ESM1: variants seen among roughly 807,000 people sequenced by gnomAD.
ESM1 encodes the protein endothelial cell specific molecule 1, also known as endothelial cell-specific molecule 1.
A neutral mutation model predicts 14.9 loss-of-function variants in ESM1; 7 were observed. The observed-to-expected ratio is 0.47, with a 90% CI of 0.27 to 0.88. The LOEUF is 0.88. Among genes scored for constraint, ESM1 ranks in the 40% least tolerant of loss-of-function variants. The pLI is 0.14. For synonymous variants in ESM1, 89 were observed against 89.4 expected, an observed-to-expected ratio of 1.00 and a Z score of 0.02; for missense variants, 192 against 237.9, an observed-to-expected ratio of 0.81 and a Z score of 1.27.
At position 54,979,249 on chromosome 5, in the gene ESM1, A is replaced by C; in HGVS notation, c.*83T>G. 1.0e-6 allele frequency: 1 copy of C among 997,968 alleles called. No homozygotes were observed. Among genetic ancestry groups the C allele is most frequent in the Non-Finnish European group, 1.6e-6 (1 of 633,850 alleles). 61.8% of individuals were successfully genotyped at this position (997,968 alleles called of 1,614,324 possible). A position where few individuals can be genotyped will look rare whatever the true frequency, so the allele number is the denominator to read the frequency against. On this transcript the variant is annotated 3_prime_UTR_variant, in exon 3 of 3. Coordinates refer to ENST00000381405, the MANE Select transcript of ESM1 (RefSeq NM_007036.5). ...TTCAAAAATTACATGTCCTTATGCT[A>C]TAATCTAGAAAGTTCCTAAAATGTT...
chr5:54,979,192 T>C lies in ESM1; in HGVS notation c.*140A>G, dbSNP rs566043025. ...TGGATTGTAAGTATCCTACTTTTTG[T>C]TTTCTGGATCCACCATGCATCACAT... On this transcript the variant is annotated 3_prime_UTR_variant, in exon 3 of 3. Coordinates refer to ENST00000381405, the MANE Select transcript of ESM1 (RefSeq NM_007036.5). 46 of 654,590 alleles carry C rather than the reference T, an allele frequency of 7.0e-5. No individual in the cohort carries two copies. The East Asian group carries it at 1.1e-3, about 16-fold the overall frequency. The allele number at this position is 654,590 out of a possible 1,614,324, so 40.5% of individuals were successfully genotyped here.
rs1416916747 is a variant in ESM1, at chr5:54,978,380, T to C, written c.*952A>G. 1 of 152,038 alleles carries C rather than the reference T, an allele frequency of 6.6e-6. No individual in the cohort carries two copies. Among genetic ancestry groups the C allele is most frequent in the Non-Finnish European group, 1.5e-5 (1 of 68,014 alleles). 9.4% of individuals were successfully genotyped at this position (152,038 alleles called of 1,614,324 possible). On this transcript the variant is annotated 3_prime_UTR_variant, in exon 3 of 3. Coordinates refer to ENST00000381405, the MANE Select transcript of ESM1 (RefSeq NM_007036.5). ...TTATGCTTATTAAGGTTATTATTAC[T>C]ATAATTATGGATAATAAATTTATCA... is the stretch of plus-strand genomic sequence containing the variant.
In ESM1 at chr5:54,979,261, G is replaced by C. The variant is rs1744002655; in HGVS notation, c.*71C>G. The C allele has an allele frequency of 9.0e-7, 1 of 1,107,148 alleles. No homozygotes were observed. Among genetic ancestry groups the C allele is most frequent in the Admixed American group, 1.8e-5 (1 of 56,170 alleles). 68.6% of individuals were successfully genotyped at this position (1,107,148 alleles called of 1,614,324 possible). A position where few individuals can be genotyped will look rare whatever the true frequency, so the allele number is the denominator to read the frequency against. ...ATGTCCTTATGCTATAATCTAGAAA[G>C]TTCCTAAAATGTTGGCTGTGTGTTG... On this transcript the variant is annotated 3_prime_UTR_variant, in exon 3 of 3. Transcript: ENST00000381405.
Position 54,978,179 on chromosome 5 carries a change from A to G in ESM1, c.*1153T>C, listed in dbSNP as rs1450401217. 1 of 152,198 alleles carries G rather than the reference A, an allele frequency of 6.6e-6. No homozygotes were observed. The highest frequency in any genetic ancestry group is 1.5e-5 in the Non-Finnish European group (1 of 68,018). The allele number at this position is 152,198 out of a possible 1,614,324, so 9.4% of individuals were successfully genotyped here. A position where few individuals can be genotyped will look rare whatever the true frequency, so the allele number is the denominator to read the frequency against. ...AGAAAAAAATATGAAAATAAACTATATTTTAAAGTTGACATGTTTTCTGCT... is the reference window on the plus strand; with the variant it reads ...AGAAAAAAATATGAAAATAAACTATGTTTTAAAGTTGACATGTTTTCTGCT... On this transcript the variant is annotated 3_prime_UTR_variant, in exon 3 of 3. Coordinates refer to ENST00000381405, the MANE Select transcript of ESM1 (RefSeq NM_007036.5).
rs1244160143 is a variant in ESM1 at position 54,979,361 on chromosome 5, CG to C, written c.525del (p.Val176Ter). The C allele has an allele frequency of 3.1e-6, 5 of 1,613,588 alleles. No individual in the cohort carries two copies. The highest frequency in any genetic ancestry group is 4.2e-6 in the Non-Finnish European group (5 of 1,179,646). On this transcript the variant is annotated frameshift_variant, in exon 3 of 3. Transcript: ENST00000381405. LOFTEE classifies it high-confidence loss of function. Reference sequence around the variant, plus strand: ...CGTGGATTTAACCATTTCCTCATTACGGGAGACCCGGCAGCATTCTCTTTCA... The same window carrying C: ...CGTGGATTTAACCATTTCCTCATTACGGAGACCCGGCAGCATTCTCTTTCA... Reference protein sequence around the residue: ...EVVKENAAGSPVMRKWLNPR With the variant: ...EVVKENAAGSXVMRKWLNPR
rs746045758 is a variant in ESM1 at position 54,985,294 on chromosome 5, A to C, written c.224T>G (p.Met75Arg). The C allele has an allele frequency of 2.5e-6, 4 of 1,614,170 alleles. No homozygotes were observed. The Admixed American group carries it at 5.0e-5, about 20-fold the overall frequency. ...CYRTVSGMDG[M>R]KCGPGLRCQP... ...ACACCTCAGCCCCGGGCCACACTTC[A>C]TGCCATCCATGCCTGAGACTGTGCG... is the stretch of plus-strand genomic sequence containing the variant. The change falls in exon 1 of 3, where the codon ATG becomes AGG. Residue 75 changes from methionine to arginine, a missense_variant. By Grantham distance (91) the Met-to-Arg change is moderately conservative. Transcript: ENST00000381405.
intron 1 of ESM1, among the ~76,000 whole-genome samples, chr5:54,984,303 G>A (rs578092572): frequency 1.7e-4 from 26 of 151,844 alleles, no homozygotes; most frequent in African/African-American, 6.0e-4. Context: ...CTGATGGATG[G>A]GGTTATAGCA....
intron 1 of ESM1, among the ~76,000 whole-genome samples, chr5:54,983,582 T>C (rs1740439354): frequency 6.6e-6 from 1 of 152,226 alleles, no homozygotes; most frequent in African/African-American, 2.4e-5. Flanking sequence ...AAATGTATTA[T>C]CTCTATCTCG....
intron 2 of ESM1, among the ~76,000 whole-genome samples, chr5:54,981,072 T>C (rs534709554): frequency 3.2e-4 from 49 of 152,342 alleles, no homozygotes; most frequent in African/African-American, 1.1e-3. Context: ...GGGTACAATA[T>C]GATACTTTGA....
intron 1 of ESM1, 52 bp from the exon 2 acceptor site, chr5:54,982,198 C>G (rs1744067068): frequency 1.3e-6 from 2 of 1,592,532 alleles, no homozygotes; most frequent in Non-Finnish European, 1.7e-6. Context: ...AAATACGTCT[C>G]CATCCTAACA....
At chr5:54,981,146 T>C (rs981744885) in intron 2 of ESM1, among the ~76,000 whole-genome samples, 13 of 152,216 alleles carry the variant, frequency 8.5e-5, no homozygotes, top group African/African-American at 2.7e-4. Flanking sequence ...CTCATATACT[T>C]ATTTTTTGTG....
rs1196596262 is a variant in ESM1, at chr5:54,978,822, C to T, written c.*510G>A. On this transcript the variant is annotated 3_prime_UTR_variant, in exon 3 of 3. Transcript: ENST00000381405. Reference sequence around the variant, plus strand: ...CTGGTTGTTTTATTTTGACTTTTCCCAAAGCCAAAAAAAAAAAAAAAAGCA... The same window carrying T: ...CTGGTTGTTTTATTTTGACTTTTCCTAAAGCCAAAAAAAAAAAAAAAAGCA... 2.3e-5 allele frequency: 2 copies of T among 88,568 alleles called. No individual in the cohort carries two copies. Among genetic ancestry groups the T allele is most frequent in the African/African-American group, 7.8e-5 (1 of 12,838 alleles). 5.5% of individuals were successfully genotyped at this position (88,568 alleles called of 1,614,324 possible). A position where few individuals can be genotyped will look rare whatever the true frequency, so the allele number is the denominator to read the frequency against.
Position 54,978,653 on chromosome 5 carries a change from T to C in ESM1, c.*679A>G, listed in dbSNP as rs1580278049. 6.6e-6 allele frequency: 1 copy of C among 152,596 alleles called. No individual in the cohort carries two copies. The highest frequency in any genetic ancestry group is 1.5e-5 in the Non-Finnish European group (1 of 68,040). 9.5% of individuals were successfully genotyped at this position (152,596 alleles called of 1,614,324 possible). A position where few individuals can be genotyped will look rare whatever the true frequency, so the allele number is the denominator to read the frequency against. ...TTAAAGCTATTTATGGAAGTGTATG[T>C]GTTTCCTATGCCCCAGAACCGTCCT... On this transcript the variant is annotated 3_prime_UTR_variant, in exon 3 of 3. Transcript: ENST00000381405.
chr5:54,979,535 C>T, intron 2 of ESM1, 100 bp from the exon 3 acceptor site: 1 of 795,958 alleles, frequency 1.3e-6, no homozygotes, highest in Non-Finnish European at 2.1e-6. Flanking sequence ...ACAATGAAAT[C>T]TTTAATCAAT....
At chr5:54,983,721 G>GT (rs1740448603) in intron 1 of ESM1, among the ~76,000 whole-genome samples, 1 of 152,182 alleles carries the variant, frequency 6.6e-6, no homozygotes, top group Admixed American at 6.5e-5. Flanking sequence ...TGATCATTCA[G>GT]TAGAATACTA....
rs368684758 is a variant in ESM1 at position 54,982,152 on chromosome 5, G to A, written c.302-6C>T. On this transcript the variant is annotated splice_polypyrimidine_tract_variant and splice_region_variant and intron_variant, in intron 1 of 2. Coordinates refer to ENST00000381405, the MANE Select transcript of ESM1 (RefSeq NM_007036.5). ...GAAGGTGCCGTAGGGACAGTCTGGG[G>A]ACAAAGGAAAGGTTGGAGAGGACGC... The A allele has an allele frequency of 1.5e-5, 24 of 1,613,474 alleles. No homozygotes were observed. The highest frequency in any genetic ancestry group is 2.0e-5 in the Non-Finnish European group (24 of 1,179,754).
At chr5:54,979,757 T>A (rs1408462826) in intron 2 of ESM1, among the ~76,000 whole-genome samples, 2 of 152,216 alleles carry the variant, frequency 1.3e-5, no homozygotes, top group East Asian at 3.9e-4. Flanking sequence ...CACTGCTATA[T>A]CTCCAGCACT....
chr5:54,984,483 G>A (rs1192502818), intron 1 of ESM1, among the ~76,000 whole-genome samples: 1 of 152,052 alleles, frequency 6.6e-6, no homozygotes, highest in Non-Finnish European at 1.5e-5. Context: ...ACATTATTTA[G>A]CTAAAATTTC....
At chr5:54,983,000 C>A (rs1312773058) in intron 1 of ESM1, among the ~76,000 whole-genome samples, 1 of 152,060 alleles carries the variant, frequency 6.6e-6, no homozygotes, top group Non-Finnish European at 1.5e-5. Context: ...GTAGACTAAC[C>A]AACCTTTAAA....
Sources: allele counts gnomAD v4.1 joint callset (sites outside exome capture counted in the v4.1 genomes callset), GRCh38; gene constraint gnomAD v4.1.1; transcripts MANE v1.5; gene names NCBI Gene and HGNC (gene_info 2026-07-23, HGNC 2026-07-21).